The following ZNF354C variants were observed in gnomAD, a reference collection of about 807,000 sequenced individuals.
ZNF354C encodes the protein zinc finger protein 354C.
A neutral mutation model predicts 12.4 loss-of-function variants in ZNF354C; 7 were observed. The observed-to-expected ratio is 0.56, with a 90% CI of 0.32 to 1.06. The LOEUF is 1.06. Ranked by LOEUF, ZNF354C falls within the 50% of genes least tolerant of loss-of-function variation. The pLI is 0.04. For missense variants in ZNF354C, 609 were observed against 658.0 expected (o/e 0.93, Z 0.81); for synonymous variants, 202 against 224.5 (o/e 0.90, Z 0.90).
intron 2 of ZNF354C, among the ~76,000 whole-genome samples, chr5:179,062,693 G>GGTTT (rs1761910601): frequency 6.6e-6 from 1 of 152,214 alleles, no homozygotes; most frequent in African/African-American, 2.4e-5. Flanking sequence ...AGTTCAGCGT[G>GGTTT]GTTTGGGCTT....
rs925763488 is a variant in ZNF354C, at chr5:179,081,479, G to T, written c.*1382G>T. 2.6e-5 allele frequency: 4 copies of T among 151,084 alleles called. No individual in the cohort carries two copies. Among genetic ancestry groups the T allele is most frequent in the African/African-American group, 9.7e-5 (4 of 41,138 alleles). 9.4% of individuals were successfully genotyped at this position (151,084 alleles called of 1,614,324 possible). A position where few individuals can be genotyped will look rare whatever the true frequency, so the allele number is the denominator to read the frequency against. On this transcript the variant is annotated 3_prime_UTR_variant, in exon 5 of 5. Transcript: ENST00000315475. ...TTGATTTTTCATTCAATTCACAGTTGGTATCATTAAAAAAAATTCTAATAC... is the reference window on the plus strand; with the variant it reads ...TTGATTTTTCATTCAATTCACAGTTTGTATCATTAAAAAAAATTCTAATAC...
At chr5:179,062,201 GA>G in intron 2 of ZNF354C, 106 bp downstream of exon 2, 1 of 1,449,102 alleles carries the variant, frequency 6.9e-7, no homozygotes, top group Non-Finnish European at 9.7e-7. Flanking sequence ...CAACCAAAAC[GA>G]TGAAGAATCC....
chr5:179,073,566 G>A (rs1026727030), intron 2 of ZNF354C, among the ~76,000 whole-genome samples: 4 of 151,878 alleles, frequency 2.6e-5, no homozygotes, highest in Non-Finnish European at 4.4e-5. Context: ...CTCTAGAAAA[G>A]CTCTATTTTT....
rs1443191234 is a variant in ZNF354C, at chr5:179,080,078, A to C, written c.1646A>C (p.Asp549Ala). The C allele has an allele frequency of 2.5e-6, 4 of 1,575,734 alleles. No homozygotes were observed. The Admixed American group carries it at 7.8e-5, about 31-fold the overall frequency. ...LTQYQRFFKGDKAYEV is the reference protein window; with the variant it reads ...LTQYQRFFKGAKAYEV ...CAGTATCAGAGATTTTTTAAAGGAG[A>C]TAAAGCCTATGAGGTTTAGTTCATC... Residue 549 changes from aspartate to alanine, a missense_variant, in exon 5 of 5, where the codon GAT (aspartate) becomes GCT (alanine). By Grantham distance (126) the Asp-to-Ala change is moderately radical (BLOSUM62 -2). Coordinates refer to ENST00000315475, the MANE Select transcript of ZNF354C (RefSeq NM_014594.3).
Position 179,079,387 on chromosome 5 carries a change from C to CAGAGA in ZNF354C, c.957_961dup (p.Ile321ArgfsTer53), listed in dbSNP as rs1762186230. On this transcript the variant is annotated frameshift_variant, in exon 5 of 5. Transcript: ENST00000315475. LOFTEE classifies it low-confidence loss of function (END_TRUNC). This position sits in a 1 kb window ranked among gnomAD's most constrained non-coding sequence, Gnocchi z 4.2. ...CCAGTGTTCAACCCTCACTGTACAT[C>CAGAGA]AGAGAATTCATACTGGAGAGAAACT... 6.2e-7 allele frequency: 1 copy of CAGAGA among 1,613,984 alleles called. No individual in the cohort carries two copies. The highest frequency in any genetic ancestry group is 8.5e-7 in the Non-Finnish European group (1 of 1,180,012).
rs1762259550 is a variant in ZNF354C, at chr5:179,083,836, G to A, written c.*3739G>A. On this transcript the variant is annotated 3_prime_UTR_variant, in exon 5 of 5. Coordinates refer to ENST00000315475, the MANE Select transcript of ZNF354C (RefSeq NM_014594.3). Reference sequence around the variant, plus strand: ...CGCTCCTGGGCATTCCTGTGGTGAGGACAGAGATGGCTGAGCAGGCATCTA... The same window carrying A: ...CGCTCCTGGGCATTCCTGTGGTGAGAACAGAGATGGCTGAGCAGGCATCTA... Among the ~76,000 whole-genome samples, 1 of 152,216 alleles carries A rather than the reference G, an allele frequency of 6.6e-6. No individual in the cohort carries two copies. Among genetic ancestry groups the A allele is most frequent in the Non-Finnish European group, 1.5e-5 (1 of 68,042 alleles).
intron 4 of ZNF354C, 97 bp downstream of exon 4, chr5:179,077,263 C>A: frequency 1.1e-6 from 1 of 920,512 alleles, no homozygotes. Flanking sequence ...ATACTGAGTC[C>A]TCTTGAGATG....
intron 1 of ZNF354C, among the ~76,000 whole-genome samples, chr5:179,061,619 C>T (rs141333247): frequency 6.6e-6 from 1 of 151,998 alleles, no homozygotes; most frequent in Non-Finnish European, 1.5e-5. Context: ...GCCTCTTTAT[C>T]GTGGCTACCA....
At chr5:179,068,725 C>T (rs1308785950) in intron 2 of ZNF354C, among the ~76,000 whole-genome samples, 1 of 151,356 alleles carries the variant, frequency 6.6e-6, no homozygotes, top group Non-Finnish European at 1.5e-5. Flanking sequence ...TTAACAGCAA[C>T]ACGGAGCCTG....
At chr5:179,065,897 G>A (rs1489866689) in intron 2 of ZNF354C, among the ~76,000 whole-genome samples, 1 of 152,144 alleles carries the variant, frequency 6.6e-6, no homozygotes, top group African/African-American at 2.4e-5. Context: ...TTCATCACCT[G>A]ACTGAGGCAC....
chr5:179,065,400 T>C (rs1172743163), intron 2 of ZNF354C, among the ~76,000 whole-genome samples: 1 of 151,936 alleles, frequency 6.6e-6, no homozygotes, highest in Admixed American at 6.6e-5. Context: ...GGTTAGGTTG[T>C]TTTTTGTTTT....
chr5:179,063,685 T>A (rs961491202), intron 2 of ZNF354C, among the ~76,000 whole-genome samples: 1 of 152,244 alleles, frequency 6.6e-6, no homozygotes, highest in African/African-American at 2.4e-5. Flanking sequence ...AAGAGGACTG[T>A]TAATATCTGG....
rs573179906 is a variant in ZNF354C, at chr5:179,083,154, CAA to C, written c.*3058_*3059del. 4.2e-4 allele frequency: 194 copies of C among 465,660 alleles called. 1 individual carries two copies. In the East Asian group the frequency reaches 6.8e-3, roughly 16 times the overall value. The allele number at this position is 465,660 out of a possible 1,614,324, so 28.8% of individuals were successfully genotyped here. ...AAAAGTGGTCTCTGCTAGATTAAGA[CAA>C]GAGACATAACCAAATGGAAAGTGTG... On this transcript the variant is annotated 3_prime_UTR_variant, in exon 5 of 5. Coordinates refer to ENST00000315475, the MANE Select transcript of ZNF354C (RefSeq NM_014594.3).
chr5:179,068,197 A>G (rs890166965), intron 2 of ZNF354C, among the ~76,000 whole-genome samples: 11 of 150,754 alleles, frequency 7.3e-5, no homozygotes, highest in Admixed American at 2.7e-4. Flanking sequence ...TGTGGATGTG[A>G]TAAAGATCCA....
intron 3 of ZNF354C, 151 bp downstream of exon 3, chr5:179,076,722 G>A: frequency 9.9e-7 from 1 of 1,012,740 alleles, no homozygotes; most frequent in Non-Finnish European, 1.4e-6. Flanking sequence ...TTGTTGTGAT[G>A]CCCTTCTTGC....
At chr5:179,076,990 G>T in intron 3 of ZNF354C, 81 bp from the exon 4 acceptor site, 2 of 1,229,914 alleles carry the variant, frequency 1.6e-6, no homozygotes, top group Non-Finnish European at 2.4e-6. Context: ...TTGCTGTGTT[G>T]GTTCAGAGTG....
rs533739367 is a variant in ZNF354C at position 179,069,780 on chromosome 5, G to A, written c.28-6665G>A. Among the ~76,000 whole-genome samples the A allele has an allele frequency of 6.0e-5, 9 of 150,682 alleles. No homozygotes were observed. The South Asian group carries it at 6.3e-4, about 11-fold the overall frequency. ...ACTCGGGAGGCTGAGGCAGGAGAAT[G>A]GTGTGAACCCGGGAGGCGGAGCTTG... On this transcript the variant is annotated intron_variant, in intron 2 of 4. Transcript: ENST00000315475.
chr5:179,064,079 T>C (rs910832774), intron 2 of ZNF354C, among the ~76,000 whole-genome samples: 1 of 152,222 alleles, frequency 6.6e-6, no homozygotes. Flanking sequence ...GGTTGTTCGC[T>C]ATCTGAGCTC....
chr5:179,082,786 G>C lies in ZNF354C; in HGVS notation c.*2689G>C. The C allele has an allele frequency of 7.4e-7, 1 of 1,358,648 alleles. No homozygotes were observed. Among genetic ancestry groups the C allele is most frequent in the South Asian group, 1.2e-5 (1 of 85,798 alleles). 84.2% of individuals were successfully genotyped at this position (1,358,648 alleles called of 1,614,324 possible). A position where few individuals can be genotyped will look rare whatever the true frequency, so the allele number is the denominator to read the frequency against. The stretch of plus-strand genomic sequence containing the variant: ...AGGCGAGGATCACTGGCATCATCCA[G>C]GGTGATGTTCTTCAAGCGACTGACC... On this transcript the variant is annotated 3_prime_UTR_variant, in exon 5 of 5. Coordinates refer to ENST00000315475, the MANE Select transcript of ZNF354C (RefSeq NM_014594.3).
Sources: gnomAD v4.1 joint callset for allele counts (sites outside exome capture counted in the v4.1 genomes callset) on GRCh38, gnomAD v4.1.1 for gene constraint, Gnocchi (gnomAD v3.1) non-coding constraint, MANE v1.5 for transcripts, NCBI Gene and HGNC (gene_info 2026-07-23, HGNC 2026-07-21) for gene names.